FAF1: variants seen among roughly 807,000 people sequenced by gnomAD.
The protein encoded by FAF1 is Fas associated factor 1, also known as FAS-associated factor 1.
A neutral mutation model predicts 92.5 loss-of-function variants in FAF1; 25 were observed. The ratio of observed to expected loss-of-function variants is 0.27; its 90% CI spans 0.20 to 0.38. The LOEUF is 0.38. Ranked by LOEUF, FAF1 falls within the 10% of genes least tolerant of loss-of-function variation. FAF1 has a pLI of 1.00. For missense variants in FAF1, 636 were observed against 793.3 expected (o/e 0.80, Z 2.38); for synonymous variants, 234 against 273.2 (o/e 0.86, Z 1.42).
intron 2 of FAF1, among the ~76,000 whole-genome samples, chr1:50,813,298 C>T (rs1643934520): frequency 6.6e-6 from 1 of 151,922 alleles, no homozygotes; most frequent in African/African-American, 2.4e-5. Flanking sequence ...ATACTTATTG[C>T]AGAAGAAATC....
intron 5 of FAF1, among the ~76,000 whole-genome samples, chr1:50,739,235 C>CAT (rs565287423): frequency 1.3e-3 from 193 of 151,652 alleles, no homozygotes; most frequent in Non-Finnish European, 1.8e-3. Flanking sequence ...TATATGCATA[C>CAT]ATATATATGT....
At chr1:50,896,181 C>A (rs959019975) in intron 1 of FAF1, among the ~76,000 whole-genome samples, 4 of 152,022 alleles carry the variant, frequency 2.6e-5, no homozygotes, top group Non-Finnish European at 5.9e-5. Flanking sequence ...GCTTGCTACT[C>A]GAGAGGCTTA....
intron 3 of FAF1, among the ~76,000 whole-genome samples, chr1:50,793,216 A>G (rs1032563492): frequency 2.6e-5 from 4 of 152,166 alleles, no homozygotes; most frequent in South Asian, 2.1e-4. Context: ...GGATTAAATG[A>G]GGCATGGTCC....
chr1:50,895,577 T>TAACA (rs145937888), intron 1 of FAF1, among the ~76,000 whole-genome samples: 6 of 151,560 alleles, frequency 4.0e-5, no homozygotes, highest in Non-Finnish European at 8.8e-5. Context: ...CAAAAACAAA[T>TAACA]AACAAACAAA....
chr1:50,912,192 C>T (rs988511670), intron 1 of FAF1, among the ~76,000 whole-genome samples: 36 of 152,282 alleles, frequency 2.4e-4, no homozygotes, highest in Non-Finnish European at 2.1e-4. Flanking sequence ...CTAGACAAGT[C>T]ACTATTACAG....
At chr1:50,558,349 T>A (rs888002981) in intron 13 of FAF1, among the ~76,000 whole-genome samples, 1 of 151,936 alleles carries the variant, frequency 6.6e-6, no homozygotes, top group African/African-American at 2.4e-5. Context: ...CTATTGGGAG[T>A]AACTATTTGC....
chr1:50,867,401 C>G (rs944308911), intron 1 of FAF1, among the ~76,000 whole-genome samples: 24 of 152,074 alleles, frequency 1.6e-4, no homozygotes, highest in African/African-American at 5.8e-4. Flanking sequence ...AACTGACAAC[C>G]CACAGAGTGG....
chr1:50,859,566 T>C (rs1184671018), intron 1 of FAF1, among the ~76,000 whole-genome samples: 1 of 151,846 alleles, frequency 6.6e-6, no homozygotes, highest in Non-Finnish European at 1.5e-5. Context: ...ATGAAAGATC[T>C]CTACAAGGAG....
intron 12 of FAF1, among the ~76,000 whole-genome samples, chr1:50,580,721 AAC>A (rs1216222958): frequency 6.6e-6 from 1 of 152,228 alleles, no homozygotes; most frequent in African/African-American, 2.4e-5. Flanking sequence ...CAAAGAGCAT[AAC>A]AAAGTTAACA....
At chr1:50,768,626 GA>G (rs1330757302) in intron 4 of FAF1, among the ~76,000 whole-genome samples, 1 of 151,878 alleles carries the variant, frequency 6.6e-6, no homozygotes, top group Non-Finnish European at 1.5e-5. Flanking sequence ...TTGATAGTAA[GA>G]AAATCACTCA....
chr1:50,684,900 C>T (rs1351572117), intron 7 of FAF1, among the ~76,000 whole-genome samples: 3 of 152,108 alleles, frequency 2.0e-5, no homozygotes, highest in African/African-American at 2.4e-5. Context: ...TACCCCTCCT[C>T]GAAGAGTATA....
At chr1:50,552,832 C>G (rs994918900) in intron 13 of FAF1, among the ~76,000 whole-genome samples, 4 of 151,994 alleles carry the variant, frequency 2.6e-5, no homozygotes, top group Admixed American at 6.6e-5. Context: ...CTCAGTTAGG[C>G]AAAGAAAACT....
intron 7 of FAF1, among the ~76,000 whole-genome samples, chr1:50,686,598 A>G (rs1399555265): frequency 1.2e-5 from 1 of 82,322 alleles, no homozygotes; most frequent in African/African-American, 4.9e-5. Context: ...AGGGAAAGGG[A>G]GAGGAGGGGA....
At chr1:50,605,841 A>G (rs1272451829) in intron 8 of FAF1, among the ~76,000 whole-genome samples, 1 of 152,252 alleles carries the variant, frequency 6.6e-6, no homozygotes, top group African/African-American at 2.4e-5. Flanking sequence ...TGAATGTTAT[A>G]CTAACCATAT....
chr1:50,729,002 TTATCTATCTATCTATC>T (rs763620552), intron 6 of FAF1, among the ~76,000 whole-genome samples: 1 of 114,958 alleles, frequency 8.7e-6, no homozygotes, highest in East Asian at 2.4e-4. Flanking sequence ...AAAGAAAACT[TTATCTATCTATCTATC>T]TATCTATCTA....
chr1:50,536,509 T>A (rs1648490641), intron 14 of FAF1, among the ~76,000 whole-genome samples: 1 of 152,184 alleles, frequency 6.6e-6, no homozygotes, highest in Non-Finnish European at 1.5e-5. Context: ...ACTAACATGA[T>A]CTTTCAGTGG....
Position 50,739,496 on chromosome 1 carries a change from T to C in FAF1, c.460-542A>G, listed in dbSNP as rs148198646. 2.5e-3 allele frequency among the ~76,000 whole-genome samples: 381 copies of C among 152,270 alleles called. 2 individuals are homozygous for C. Among genetic ancestry groups the C allele is most frequent in the Middle Eastern group, 0.024 (7 of 294 alleles). On this transcript the variant is annotated intron_variant, in intron 5 of 18. Transcript: ENST00000396153. Reference sequence around the variant, plus strand: ...GAACTAGCATAAACCTGAATGTTAATATATAAACTCTTTAGCTCATGAAGC... The same window carrying C: ...GAACTAGCATAAACCTGAATGTTAACATATAAACTCTTTAGCTCATGAAGC...
intron 1 of FAF1, among the ~76,000 whole-genome samples, chr1:50,948,086 C>T (rs1645184856): frequency 2.0e-5 from 3 of 152,076 alleles, no homozygotes; most frequent in Admixed American, 6.5e-5. Context: ...AGAAAAGAAA[C>T]TATTAACCCT....
chr1:50,745,503 C>T (rs1034383274), intron 4 of FAF1, among the ~76,000 whole-genome samples: 1 of 152,070 alleles, frequency 6.6e-6, no homozygotes, highest in Admixed American at 6.6e-5. Flanking sequence ...TGGGAGGTGA[C>T]TGGATCATAG....
Sources: allele counts gnomAD v4.1 joint callset (sites outside exome capture counted in the v4.1 genomes callset), GRCh38; gene constraint gnomAD v4.1.1; transcripts MANE v1.5; gene names NCBI Gene and HGNC (gene_info 2026-07-23, HGNC 2026-07-21).